Variants in SMOC2 observed in about 807,000 individuals in gnomAD.
The protein encoded by SMOC2 is SPARC-related modular calcium-binding protein 2.
A neutral mutation model predicts 61.4 loss-of-function variants in SMOC2; 39 were observed. That is an observed-to-expected ratio of 0.64 (90% CI 0.49 to 0.83). The LOEUF (loss-of-function observed/expected upper bound fraction) is 0.83, where lower values mean the gene tolerates loss of function less well. SMOC2 is among the 40% of genes least tolerant of loss of function. The probability of loss-of-function intolerance (pLI) is 0.00; values close to 1 mark genes in which losing one functional copy is unlikely to be tolerated. For synonymous variants in SMOC2, 247 were observed against 239.9 expected, an observed-to-expected ratio of 1.03 and a Z score of -0.27; for missense variants, 556 against 592.9, an observed-to-expected ratio of 0.94 and a Z score of 0.65.
At chr6:168,554,321 CAATT>C (rs1283345408) in intron 7 of SMOC2, among the ~76,000 whole-genome samples, 3 of 152,206 alleles carry the variant, frequency 2.0e-5, no homozygotes, top group Admixed American at 2.0e-4. Context: ...CGATTTCCAT[CAATT>C]AATTAACACC....
At chr6:168,623,329 A>ATTTTTTTTTTTTTTTTTTT (rs11284179) in intron 9 of SMOC2, among the ~76,000 whole-genome samples, 1 of 129,108 alleles carries the variant, frequency 7.7e-6, no homozygotes. Context: ...TGGATAATTA[A>ATTTTTTTTTTTTTTTTTTT]TTTTTTTTTT....
chr6:168,629,676 G>A (rs1167248529), intron 9 of SMOC2, among the ~76,000 whole-genome samples: 1 of 152,182 alleles, frequency 6.6e-6, no homozygotes, highest in Non-Finnish European at 1.5e-5. Context: ...GGAATGAAAT[G>A]GACTGTTCAG....
intron 4 of SMOC2, among the ~76,000 whole-genome samples, chr6:168,534,439 G>A (rs1288565482): frequency 6.6e-6 from 1 of 152,256 alleles, no homozygotes; most frequent in Non-Finnish European, 1.5e-5. Flanking sequence ...GCGTCTGCCA[G>A]GGCCCGGACT....
chr6:168,584,210 A>G (rs1253300752), intron 7 of SMOC2, among the ~76,000 whole-genome samples: 1 of 152,260 alleles, frequency 6.6e-6, no homozygotes, highest in East Asian at 1.9e-4. Context: ...CAGGTATTAC[A>G]GTCGGCTGGA....
intron 7 of SMOC2, among the ~76,000 whole-genome samples, chr6:168,578,432 G>A (rs377281755): frequency 6.6e-6 from 1 of 152,192 alleles, no homozygotes; most frequent in Non-Finnish European, 1.5e-5. Flanking sequence ...GTAGGAGACG[G>A]GGGCAGACAG....
At chr6:168,560,139 CTTTATA>C (rs1210001220) in intron 7 of SMOC2, among the ~76,000 whole-genome samples, 1 of 152,150 alleles carries the variant, frequency 6.6e-6, no homozygotes, top group African/African-American at 2.4e-5. Context: ...AGCTCTGTTA[CTTTATA>C]TTTATCATCT....
intron 6 of SMOC2, among the ~76,000 whole-genome samples, chr6:168,548,869 A>C (rs569366774): frequency 1.3e-5 from 2 of 152,358 alleles, no homozygotes; most frequent in South Asian, 2.1e-4. Context: ...TGATTCTTTC[A>C]AAGTGAATTC....
At chr6:168,508,140 A>C (rs1782918498) in intron 1 of SMOC2, among the ~76,000 whole-genome samples, 1 of 152,230 alleles carries the variant, frequency 6.6e-6, no homozygotes, top group Non-Finnish European at 1.5e-5. Flanking sequence ...CCTGGCTTTG[A>C]GTCCAGCTTT....
At chr6:168,468,229 C>T (rs554140662) in intron 1 of SMOC2, among the ~76,000 whole-genome samples, 2 of 152,276 alleles carry the variant, frequency 1.3e-5, no homozygotes, top group East Asian at 1.9e-4. Flanking sequence ...GGACACAGGG[C>T]GCTGCGGGTT....
At chr6:168,488,927 G>A (rs376727815) in intron 1 of SMOC2, among the ~76,000 whole-genome samples, 8 of 137,214 alleles carry the variant, frequency 5.8e-5, no homozygotes, top group South Asian at 6.0e-4. Context: ...ATATCAAATC[G>A]TCTGGGTCCC....
chr6:168,472,488 AC>A (rs1448457590), intron 1 of SMOC2, among the ~76,000 whole-genome samples: 1 of 151,962 alleles, frequency 6.6e-6, no homozygotes, highest in Admixed American at 6.6e-5. Context: ...TGCTCCCTTA[AC>A]AAAAAAAGTT....
chr6:168,570,052 G>A (rs896010256), intron 7 of SMOC2, among the ~76,000 whole-genome samples: 2 of 151,590 alleles, frequency 1.3e-5, no homozygotes, highest in African/African-American at 2.4e-5. Flanking sequence ...GTGTCTAGAC[G>A]GCATTCTCTT....
intron 7 of SMOC2, among the ~76,000 whole-genome samples, chr6:168,555,510 C>T (rs1441399374): frequency 3.3e-5 from 5 of 152,168 alleles, no homozygotes; most frequent in Admixed American, 6.5e-5. Context: ...GCCAGCCCAG[C>T]GAGCTCCTTC....
intron 7 of SMOC2, among the ~76,000 whole-genome samples, chr6:168,597,451 G>C (rs1476952525): frequency 6.6e-6 from 1 of 152,186 alleles, no homozygotes; most frequent in African/African-American, 2.4e-5. Flanking sequence ...TTGTGGAACT[G>C]TGTCAATATG....
chr6:168,512,242 A>AG (rs1167369346), intron 2 of SMOC2, among the ~76,000 whole-genome samples: 5 of 152,118 alleles, frequency 3.3e-5, no homozygotes, highest in African/African-American at 1.2e-4. Flanking sequence ...AGACACAGGA[A>AG]GTCGTGGGCA....
At chr6:168,607,957 T>C (rs943673264) in intron 8 of SMOC2, among the ~76,000 whole-genome samples, 200 bp from the exon 9 acceptor site, 1 of 152,188 alleles carries the variant, frequency 6.6e-6, no homozygotes, top group Non-Finnish European at 1.5e-5. Flanking sequence ...TTCTTCCTAC[T>C]GACTGCAAGC....
chr6:168,560,562 C>T (rs1410222410), intron 7 of SMOC2, among the ~76,000 whole-genome samples: 1 of 139,600 alleles, frequency 7.2e-6, no homozygotes, highest in African/African-American at 2.7e-5. Context: ...AGACACGAGG[C>T]TCTCACTGCA....
intron 8 of SMOC2, among the ~76,000 whole-genome samples, chr6:168,606,100 G>A (rs1785680187): frequency 6.6e-6 from 1 of 152,130 alleles, no homozygotes; most frequent in Non-Finnish European, 1.5e-5. Context: ...GTAAAAATAA[G>A]AGCTTCCTAA....
chr6:168,592,577 AGGG>A lies in SMOC2; in HGVS notation c.638-6239_638-6237del, dbSNP rs1341592268. Among the ~76,000 whole-genome samples the A allele has an allele frequency of 1.2e-4, 9 of 72,674 alleles. 1 individual carries two copies. Among genetic ancestry groups the A allele is most frequent in the East Asian group, 3.7e-4 (1 of 2,726 alleles). The allele number at this position is 72,674 out of a possible 152,430, so 47.7% of individuals were successfully genotyped here. On this transcript the variant is annotated intron_variant, in intron 7 of 12. Transcript: ENST00000356284. ...TCCTCCTCCTTCCTGAGGCCTCACGAGGGGCATCTTTCTAGAGGATCGCGGAGC... is the reference window on the plus strand; with the variant it reads ...TCCTCCTCCTTCCTGAGGCCTCACGAGCATCTTTCTAGAGGATCGCGGAGC...
Sources: allele counts gnomAD v4.1 joint callset (sites outside exome capture counted in the v4.1 genomes callset), GRCh38; gene constraint gnomAD v4.1.1; transcripts MANE v1.5; gene names NCBI Gene and HGNC (gene_info 2026-07-23, HGNC 2026-07-21).